The following MDN1 variants were observed in gnomAD, a reference collection of about 807,000 sequenced individuals.
The protein encoded by MDN1 is midasin AAA ATPase 1.
MDN1 carries 266 observed loss-of-function variants against 669.2 expected under a neutral mutation model. That is an observed-to-expected ratio of 0.40 (90% CI 0.36 to 0.44). The LOEUF is 0.44. Among genes scored for constraint, MDN1 ranks in the 20% least tolerant of loss-of-function variants. The pLI, the probability that MDN1 is intolerant of heterozygous loss-of-function variation, is 1.00. For missense variants in MDN1, 5,940 were observed against 6,754.0 expected (o/e 0.88, Z 4.22); for synonymous variants, 2,385 against 2,457.1 (o/e 0.97, Z 0.87).
In MDN1 at chr6:89,819,735, A is replaced by G; in HGVS notation, c.-128T>C. The G allele has an allele frequency of 1.4e-6, 1 of 719,452 alleles. No homozygotes were observed. Among genetic ancestry groups the G allele is most frequent in the Non-Finnish European group, 2.4e-6 (1 of 416,634 alleles). 44.6% of individuals were successfully genotyped at this position (719,452 alleles called of 1,614,324 possible). On this transcript the variant is annotated 5_prime_UTR_variant, in exon 1 of 102. Transcript: ENST00000369393. ...CCGCAGGAAAGGCGTCCTCAGCTCC[A>G]GCGCCTACACCGGGAGAGGGGCACC...
At chr6:89,780,871 G>A (rs1313216935) in intron 10 of MDN1, among the ~76,000 whole-genome samples, 2 of 149,894 alleles carry the variant, frequency 1.3e-5, no homozygotes, top group Admixed American at 6.7e-5. Context: ...GGATGGTCTC[G>A]AACTCCTGAT....
chr6:89,763,296 T>C (rs1817646220), intron 15 of MDN1, among the ~76,000 whole-genome samples: 1 of 148,496 alleles, frequency 6.7e-6, no homozygotes, highest in African/African-American at 2.5e-5. Flanking sequence ...AACAATGATA[T>C]TGCTTTCAAT....
At chr6:89,765,461 A>T (rs1817765492) in intron 15 of MDN1, among the ~76,000 whole-genome samples, 1 of 152,178 alleles carries the variant, frequency 6.6e-6, no homozygotes, top group Non-Finnish European at 1.5e-5. Flanking sequence ...TTTAAATAAG[A>T]TTGCTAATCT....
chr6:89,756,473 T>C, intron 19 of MDN1, 83 bp from the exon 20 acceptor site: 1 of 662,916 alleles, frequency 1.5e-6, no homozygotes, highest in East Asian at 2.7e-5. Context: ...CAGAAGAAGC[T>C]ATGTCAGCTC....
chr6:89,682,378 AGCTCGTTG>A (rs1811672976), intron 73 of MDN1, among the ~76,000 whole-genome samples: 1 of 152,186 alleles, frequency 6.6e-6, no homozygotes, highest in Non-Finnish European at 1.5e-5. Context: ...CCATAATCCC[AGCTCGTTG>A]GGAGGCCGAG....
At chr6:89,723,479 AAAAAAAAG>A (rs1562142865) in intron 39 of MDN1, 25 bp downstream of exon 39, 1 of 1,318,270 alleles carries the variant, frequency 7.6e-7, no homozygotes, top group East Asian at 2.4e-5. Context: ...TACAGCCAGA[AAAAAAAAG>A]AAACCAATAC....
rs1444537561 is a variant in MDN1 at position 89,670,170 on chromosome 6, A to ATATTTTTTTTTTTTT, written c.13956+748_13956+749insAAAAAAAAAAAAATA. ...TATATATATATATATATATATATATATTTTTTTTTTTTTTTTTTTTGAGAT... is the reference window on the plus strand; with the variant it reads ...TATATATATATATATATATATATATATATTTTTTTTTTTTTTTTTTTTTTTTTTTTTTTTTGAGAT... On this transcript the variant is annotated intron_variant, in intron 83 of 101. Transcript: ENST00000369393. Among the ~76,000 whole-genome samples the ATATTTTTTTTTTTTT allele has an allele frequency of 2.1e-4, 5 of 23,412 alleles. 1 individual carries two copies. Among genetic ancestry groups the ATATTTTTTTTTTTTT allele is most frequent in the African/African-American group, 1.0e-3 (4 of 3,908 alleles). 15.4% of individuals were successfully genotyped at this position (23,412 alleles called of 152,430 possible). A position where few individuals can be genotyped will look rare whatever the true frequency, so the allele number is the denominator to read the frequency against.
At chr6:89,789,487 A>T (rs1259260528) in intron 7 of MDN1, among the ~76,000 whole-genome samples, 2 of 152,096 alleles carry the variant, frequency 1.3e-5, no homozygotes, top group East Asian at 3.9e-4. Context: ...GAAAATGTTG[A>T]TCTCATATTC....
chr6:89,691,206 G>A (rs377291183), intron 63 of MDN1, among the ~76,000 whole-genome samples: 14 of 152,338 alleles, frequency 9.2e-5, no homozygotes, highest in African/African-American at 3.4e-4. Flanking sequence ...ACCCCAAGGA[G>A]CTGGCCAAGG....
intron 1 of MDN1, among the ~76,000 whole-genome samples, chr6:89,811,734 G>A (rs534953731): frequency 3.3e-5 from 5 of 151,984 alleles, no homozygotes; most frequent in South Asian, 2.1e-4. Flanking sequence ...GTGAGCCACC[G>A]CAACCAGCCA....
chr6:89,713,007 T>C (rs1814059600), intron 47 of MDN1, 141 bp downstream of exon 47: 2 of 964,224 alleles, frequency 2.1e-6, no homozygotes, highest in South Asian at 1.8e-5. Context: ...GAAAAGTACC[T>C]GGATACCAGA....
At position 89,819,586 on chromosome 6, in the gene MDN1, C is replaced by A; in HGVS notation, c.22G>T (p.Val8Leu). MEHFLLE[V>L]AAAPLRLIAA... ...ATTAACCGCAGCGGCGCGGCTGCCA[C>A]CTCCAGCAAGAAGTGCTCCATGACC... Residue 8 changes from valine (V) to leucine (L), a missense_variant, in exon 1 of 102, where the codon GTG (valine) becomes TTG (leucine). Val to Leu is a conservative substitution (Grantham distance 32). Transcript: ENST00000369393. 1 of 1,602,298 alleles carries A rather than the reference C, an allele frequency of 6.2e-7. No individual in the cohort carries two copies. Among genetic ancestry groups the A allele is most frequent in the East Asian group, 2.2e-5 (1 of 44,878 alleles).
intron 1 of MDN1, among the ~76,000 whole-genome samples, chr6:89,818,002 T>C (rs937175767): frequency 1.6e-4 from 24 of 151,950 alleles, no homozygotes; most frequent in Admixed American, 1.4e-3. Flanking sequence ...CCCAGAACAA[T>C]TGGGCTTGAG....
intron 91 of MDN1, among the ~76,000 whole-genome samples, chr6:89,656,292 G>C (rs1056936683): frequency 6.6e-6 from 1 of 152,148 alleles, no homozygotes; most frequent in African/African-American, 2.4e-5. Context: ...GACAGGAATA[G>C]GATGTAGGCT....
chr6:89,662,652 A>G, intron 86 of MDN1, 140 bp downstream of exon 86: 1 of 1,010,630 alleles, frequency 9.9e-7, no homozygotes, highest in Non-Finnish European at 1.4e-6. Context: ...AAGATAGGAT[A>G]GAAAAAAGAA....
intron 71 of MDN1, among the ~76,000 whole-genome samples, 153 bp downstream of exon 71, chr6:89,684,723 C>G (rs556877442): frequency 6.6e-6 from 1 of 152,168 alleles, no homozygotes; most frequent in Admixed American, 6.5e-5. Context: ...CCAATGCCAC[C>G]GATGTACATA....
intron 93 of MDN1, among the ~76,000 whole-genome samples, chr6:89,653,509 G>A (rs1809031585): frequency 6.6e-6 from 1 of 152,218 alleles, no homozygotes; most frequent in South Asian, 2.1e-4. Context: ...CCATTTTACA[G>A]AAGAGGAAAC....
chr6:89,655,670 AC>A, intron 92 of MDN1, 93 bp downstream of exon 92: 1 of 1,185,058 alleles, frequency 8.4e-7, no homozygotes. Flanking sequence ...CTCACACTGT[AC>A]CCCACAAATA....
chr6:89,714,576 C>T lies in MDN1; in HGVS notation c.7036G>A (p.Ala2346Thr), dbSNP rs372351760. 1.9e-6 allele frequency: 3 copies of T among 1,613,274 alleles called. No individual in the cohort carries two copies. Among genetic ancestry groups the T allele is most frequent in the Non-Finnish European group, 1.7e-6 (2 of 1,179,544 alleles). ...GTGCTCCGGGTCTCTGTGTGTAAAG[C>T]CAAGAGGATGTCACATACACTGTTC... ...VGNSVCDILL[A>T]LHTETRSTVV... Residue 2346 changes from alanine (A) to threonine (T), a missense_variant, in exon 46 of 102, where the codon GCT (alanine) becomes ACT (threonine). Physicochemically the swap from Ala to Thr is moderately conservative, Grantham distance 58. Transcript: ENST00000369393.
Sources: allele counts gnomAD v4.1 joint callset (sites outside exome capture counted in the v4.1 genomes callset), GRCh38; gene constraint gnomAD v4.1.1; transcripts MANE v1.5; gene names NCBI Gene and HGNC (gene_info 2026-07-23, HGNC 2026-07-21).